The following GRM1 variants were observed in gnomAD, a reference collection of about 807,000 sequenced individuals.
GRM1 encodes the protein metabotropic glutamate receptor 1.
A neutral mutation model predicts 90.9 loss-of-function variants in GRM1; 33 were observed. That is an observed-to-expected ratio of 0.36 (90% CI 0.28 to 0.49). The LOEUF (loss-of-function observed/expected upper bound fraction) is 0.49, where lower values mean the gene tolerates loss of function less well. Among genes scored for constraint, GRM1 ranks in the 20% least tolerant of loss-of-function variants. The probability of loss-of-function intolerance (pLI) is 0.99; values close to 1 mark genes in which losing one functional copy is unlikely to be tolerated. For missense variants in GRM1, 1,190 were observed against 1,534.3 expected (o/e 0.78, Z 3.75); for synonymous variants, 700 against 613.2 (o/e 1.14, Z -2.09).
intron 7 of GRM1, among the ~76,000 whole-genome samples, chr6:146,433,058 A>T (rs890487289): frequency 9.9e-5 from 15 of 152,198 alleles, no homozygotes; most frequent in Non-Finnish European, 2.9e-5. Context: ...ATCCTAAAGC[A>T]GGATGTGGGC....
intron 2 of GRM1, among the ~76,000 whole-genome samples, chr6:146,296,932 T>G (rs1783197802): frequency 6.6e-6 from 1 of 152,220 alleles, no homozygotes; most frequent in Admixed American, 6.5e-5. Context: ...TGAAGCCATC[T>G]TTCACATCAC....
chr6:146,406,166 T>A (rs1777340650), intron 7 of GRM1, among the ~76,000 whole-genome samples: 1 of 152,166 alleles, frequency 6.6e-6, no homozygotes, highest in African/African-American at 2.4e-5. Flanking sequence ...ATCTGGTGTG[T>A]GCCGGGAGGC....
At chr6:146,357,365 A>G (rs1394154798) in intron 4 of GRM1, among the ~76,000 whole-genome samples, 161 bp from the exon 5 acceptor site, 1 of 152,248 alleles carries the variant, frequency 6.6e-6, no homozygotes, top group East Asian at 1.9e-4. Flanking sequence ...CACATTTGGG[A>G]TAATCAGAGG....
chr6:146,323,460 T>C (rs1452883923), intron 3 of GRM1, among the ~76,000 whole-genome samples: 1 of 152,192 alleles, frequency 6.6e-6, no homozygotes, highest in Admixed American at 6.5e-5. Flanking sequence ...CTTGTAAATT[T>C]GTTTGAGTTC....
rs768048679 is a variant in GRM1 at position 146,304,602 on chromosome 6, A to AT, written c.951-3dup. On this transcript the variant is annotated splice_polypyrimidine_tract_variant and intron_variant, in intron 2 of 7. Coordinates refer to ENST00000282753, the MANE Select transcript of GRM1 (RefSeq NM_001278064.2). ...TCTCTCTCCCTACCCCAATCCCTGC[A>AT]TTTTTTAGTGATGGATGGGCAGACA... 2.0e-5 allele frequency: 32 copies of AT among 1,589,778 alleles called. No homozygotes were observed. The highest frequency in any genetic ancestry group is 2.5e-5 in the Non-Finnish European group (29 of 1,158,292).
At chr6:146,289,393 A>T (rs1457920888) in intron 2 of GRM1, among the ~76,000 whole-genome samples, 3 of 152,244 alleles carry the variant, frequency 2.0e-5, no homozygotes, top group Non-Finnish European at 2.9e-5. Context: ...AAAGATATAA[A>T]AAATTTTTAT....
intron 1 of GRM1, among the ~76,000 whole-genome samples, chr6:146,157,564 C>T (rs1360296607): frequency 6.6e-6 from 1 of 152,124 alleles, no homozygotes; most frequent in Non-Finnish European, 1.5e-5. Context: ...TTGCTATAAA[C>T]AGGAGCAATG....
At chr6:146,159,916 T>TAA (rs566531460) in intron 2 of GRM1, 5,411 of 66,192 alleles carry the variant, frequency 0.082, 157 homozygotes, top group Admixed American at 0.099. Flanking sequence ...ACCTTAACTA[T>TAA]AAAAAAAAAA....
At chr6:146,392,424 A>G (rs915437947) in intron 6 of GRM1, among the ~76,000 whole-genome samples, 41 of 152,320 alleles carry the variant, frequency 2.7e-4, no homozygotes, top group Middle Eastern at 3.4e-3. Context: ...AAATTGTTAC[A>G]TGAGTGTCTT....
intron 7 of GRM1, among the ~76,000 whole-genome samples, chr6:146,418,900 G>T (rs1432800029): frequency 2.0e-5 from 3 of 152,010 alleles, no homozygotes; most frequent in Non-Finnish European, 4.4e-5. Context: ...GAAATTCTAT[G>T]GTTTTCTTAA....
At chr6:146,273,402 G>T (rs1355643036) in intron 2 of GRM1, among the ~76,000 whole-genome samples, 1 of 152,176 alleles carries the variant, frequency 6.6e-6, no homozygotes, top group Non-Finnish European at 1.5e-5. Flanking sequence ...AAAGAAGTCA[G>T]TCAAAGGAGG....
chr6:146,074,944 C>T (rs1407199304), intron 1 of GRM1, among the ~76,000 whole-genome samples: 2 of 152,120 alleles, frequency 1.3e-5, no homozygotes, highest in East Asian at 1.9e-4. Flanking sequence ...CAAATAAGAG[C>T]ATTTAATTCA....
intron 1 of GRM1, among the ~76,000 whole-genome samples, chr6:146,089,390 A>G (rs1325252335): frequency 2.0e-5 from 3 of 152,090 alleles, no homozygotes; most frequent in African/African-American, 7.2e-5. Flanking sequence ...TGAGACCTCA[A>G]CTGCAGCCTT....
At chr6:146,125,303 T>A (rs1039106149) in intron 1 of GRM1, among the ~76,000 whole-genome samples, 6 of 152,284 alleles carry the variant, frequency 3.9e-5, no homozygotes, top group Non-Finnish European at 7.4e-5. Flanking sequence ...TTAATTTAGT[T>A]ATTAAATGTG....
chr6:146,139,631 C>T lies in GRM1; in HGVS notation c.701-19717C>T, dbSNP rs150819109. 2.3e-3 allele frequency among the ~76,000 whole-genome samples: 350 copies of T among 152,020 alleles called. 5 individuals carry two copies. Among genetic ancestry groups the T allele is most frequent in the East Asian group, 8.7e-3 (45 of 5,166 alleles). On this transcript the variant is annotated intron_variant, in intron 1 of 7. Transcript: ENST00000282753. ...TTTGTCCAATATATCTATTTCTGTTCTTTTATGTCTTCCATTTGCATGGAA... is the reference window on the plus strand; with the variant it reads ...TTTGTCCAATATATCTATTTCTGTTTTTTTATGTCTTCCATTTGCATGGAA...
chr6:146,311,370 G>A (rs866959499), intron 3 of GRM1, among the ~76,000 whole-genome samples: 5 of 152,230 alleles, frequency 3.3e-5, no homozygotes, highest in Non-Finnish European at 7.3e-5. Context: ...GGTTTTACAA[G>A]TCTTAGAAGT....
At chr6:146,034,119 G>T (rs1045752998) in intron 1 of GRM1, among the ~76,000 whole-genome samples, 3 of 152,018 alleles carry the variant, frequency 2.0e-5, no homozygotes, top group African/African-American at 7.2e-5. Context: ...TGTGATTAGG[G>T]TTTCTAATTA....
At chr6:146,378,758 G>A (rs991844816) in intron 5 of GRM1, among the ~76,000 whole-genome samples, 3 of 152,176 alleles carry the variant, frequency 2.0e-5, no homozygotes, top group African/African-American at 7.2e-5. Context: ...TTGTGGGACT[G>A]TTGAGAAGGC....
At chr6:146,241,785 A>G (rs1780873779) in intron 2 of GRM1, among the ~76,000 whole-genome samples, 1 of 152,104 alleles carries the variant, frequency 6.6e-6, no homozygotes, top group Admixed American at 6.6e-5. Context: ...TTGGCAGAAG[A>G]GAGATTTTAT....
Sources: allele counts gnomAD v4.1 joint callset (sites outside exome capture counted in the v4.1 genomes callset), GRCh38; gene constraint gnomAD v4.1.1; transcripts MANE v1.5; gene names NCBI Gene and HGNC (gene_info 2026-07-23, HGNC 2026-07-21).